DLG2: variants seen among roughly 807,000 people sequenced by gnomAD.
DLG2 encodes the protein disks large homolog 2.
A neutral mutation model predicts 132.5 loss-of-function variants in DLG2; 45 were observed. The observed-to-expected ratio is 0.34, with a 90% CI of 0.27 to 0.44. The LOEUF (loss-of-function observed/expected upper bound fraction) is 0.44. Among genes scored for constraint, DLG2 ranks in the 20% least tolerant of loss-of-function variants. The pLI, the probability that DLG2 is intolerant of heterozygous loss-of-function variation, is 1.00. For missense variants in DLG2, 1,045 were observed against 1,196.9 expected, an observed-to-expected ratio of 0.87 and a Z score of 1.87; for synonymous variants, 424 against 419.6, an observed-to-expected ratio of 1.01 and a Z score of -0.13.
intron 11 of DLG2, among the ~76,000 whole-genome samples, chr11:84,014,836 C>CTTT (rs35189558): frequency 6.8e-6 from 1 of 147,184 alleles, no homozygotes; most frequent in African/African-American, 2.5e-5. Flanking sequence ...CTGATACAGA[C>CTTT]TTTTTTTTTT....
At chr11:84,324,117 T>G (rs138376082) in intron 7 of DLG2, among the ~76,000 whole-genome samples, 63 of 152,262 alleles carry the variant, frequency 4.1e-4, no homozygotes, top group African/African-American at 1.4e-3. Context: ...TGTTGTCATA[T>G]CCAAGAAATC....
chr11:84,332,888 G>A (rs540711620), intron 7 of DLG2, among the ~76,000 whole-genome samples: 4 of 152,110 alleles, frequency 2.6e-5, no homozygotes, highest in African/African-American at 7.2e-5. Context: ...CCCCCTTTCA[G>A]TTCCAGAAAG....
At chr11:85,060,750 T>A (rs1392908440) in intron 6 of DLG2, among the ~76,000 whole-genome samples, 1 of 151,724 alleles carries the variant, frequency 6.6e-6, no homozygotes, top group Non-Finnish European at 1.5e-5. Context: ...TTTTATGAAC[T>A]CAAAACTGTT....
intron 7 of DLG2, among the ~76,000 whole-genome samples, chr11:84,285,659 T>A (rs2097902480): frequency 6.6e-6 from 1 of 152,188 alleles, no homozygotes; most frequent in African/African-American, 2.4e-5. Context: ...CATGACCTAA[T>A]GCCCCCTAGG....
At position 84,272,210 on chromosome 11, in the gene DLG2, T is replaced by A. The variant is rs1464950067; in HGVS notation, c.520-20919A>T. 3 of 386,032 alleles carry A rather than the reference T, an allele frequency of 7.8e-6. No homozygotes were observed. The East Asian group carries it at 2.4e-4, about 31-fold the overall frequency. 23.9% of individuals were successfully genotyped at this position (386,032 alleles called of 1,614,324 possible). On this transcript the variant is annotated intron_variant, in intron 7 of 27. Transcript: ENST00000376104. The stretch of plus-strand genomic sequence containing the variant: ...AATATAGCCCAGAGTTTGTGACATT[T>A]AAGTGATTTCGAAGTTACAGGGAAA...
At chr11:83,928,930 G>C (rs531714568) in intron 15 of DLG2, among the ~76,000 whole-genome samples, 1 of 152,128 alleles carries the variant, frequency 6.6e-6, no homozygotes, top group Non-Finnish European at 1.5e-5. Context: ...ACTTCCTTAC[G>C]GCTATGGTGA....
At chr11:84,563,070 T>C (rs1198373053) in intron 6 of DLG2, among the ~76,000 whole-genome samples, 3 of 152,220 alleles carry the variant, frequency 2.0e-5, no homozygotes, top group Admixed American at 2.0e-4. Flanking sequence ...TACGTAAGTT[T>C]ATCTTGAGTA....
At chr11:84,184,303 G>C (rs2096225747) in intron 8 of DLG2, among the ~76,000 whole-genome samples, 3 of 151,098 alleles carry the variant, frequency 2.0e-5, no homozygotes, top group African/African-American at 7.2e-5. Context: ...TTGTGGTTTT[G>C]ATTTGCATTT....
chr11:83,834,504 A>G (rs2055538534), intron 16 of DLG2, among the ~76,000 whole-genome samples: 1 of 152,120 alleles, frequency 6.6e-6, no homozygotes, highest in South Asian at 2.1e-4. Context: ...GAAAAAGAGG[A>G]GAGAGAGCAT....
chr11:84,979,686 A>T (rs2055449497), intron 6 of DLG2, among the ~76,000 whole-genome samples: 1 of 152,138 alleles, frequency 6.6e-6, no homozygotes, highest in Non-Finnish European at 1.5e-5. Context: ...GGATAGCATT[A>T]TGAGATATAC....
intron 18 of DLG2, among the ~76,000 whole-genome samples, chr11:83,650,634 A>G (rs1341193044): frequency 6.6e-6 from 1 of 152,188 alleles, no homozygotes; most frequent in Admixed American, 6.5e-5. Context: ...ATATGAAAAA[A>G]ATTTCTTTTT....
At chr11:85,285,462 C>T in intron 3 of DLG2, 97 bp from the exon 4 acceptor site, 2 of 1,179,172 alleles carry the variant, frequency 1.7e-6, no homozygotes, top group South Asian at 1.7e-5. Flanking sequence ...AGAAATTTTG[C>T]TGATTAAAAG....
intron 7 of DLG2, among the ~76,000 whole-genome samples, chr11:84,419,172 G>C (rs1273759972): frequency 6.6e-6 from 1 of 152,044 alleles, no homozygotes; most frequent in Non-Finnish European, 1.5e-5. Flanking sequence ...GACAGGCAGA[G>C]AGAGAGAGAG....
At chr11:84,727,644 G>A (rs2062646414) in intron 6 of DLG2, among the ~76,000 whole-genome samples, 1 of 152,074 alleles carries the variant, frequency 6.6e-6, no homozygotes. Flanking sequence ...GAAAGTCAGT[G>A]GTAGGTTGAT....
intron 19 of DLG2, among the ~76,000 whole-genome samples, chr11:83,584,608 T>G (rs557167341): frequency 2.0e-5 from 3 of 152,234 alleles, no homozygotes; most frequent in African/African-American, 2.4e-5. Flanking sequence ...TATAAAATAG[T>G]TTTAGATCCT....
chr11:84,586,053 A>G (rs956403563), intron 6 of DLG2, among the ~76,000 whole-genome samples: 3 of 151,238 alleles, frequency 2.0e-5, no homozygotes, highest in Admixed American at 1.3e-4. Context: ...TGGGTGGCTG[A>G]GGCAGGAGAA....
At chr11:84,720,313 A>T (rs1289190372) in intron 6 of DLG2, 1 of 985,446 alleles carries the variant, frequency 1.0e-6, no homozygotes, top group Non-Finnish European at 1.2e-6. Flanking sequence ...CCAAACATCA[A>T]CGATAAAGTG....
intron 6 of DLG2, among the ~76,000 whole-genome samples, chr11:85,000,938 G>A (rs966551098): frequency 6.6e-6 from 1 of 151,982 alleles, no homozygotes; most frequent in Admixed American, 6.6e-5. Flanking sequence ...ACTCCTCTCT[G>A]CTACTATTAG....
intron 21 of DLG2, among the ~76,000 whole-genome samples, chr11:83,522,846 A>T (rs2095518429): frequency 6.9e-6 from 1 of 144,256 alleles, no homozygotes; most frequent in South Asian, 2.3e-4. Flanking sequence ...CAAGGTAATT[A>T]GGTATTTTTA....
Sources: gnomAD v4.1 joint callset for allele counts (sites outside exome capture counted in the v4.1 genomes callset) on GRCh38, gnomAD v4.1.1 for gene constraint, MANE v1.5 for transcripts, NCBI Gene and HGNC (gene_info 2026-07-23, HGNC 2026-07-21) for gene names.